The following CYB561 variants were observed in gnomAD, a reference collection of about 807,000 sequenced individuals.
CYB561 encodes cytochrome b561.
A neutral mutation model predicts 25.3 loss-of-function variants in CYB561; 11 were observed. The observed-to-expected ratio is 0.44, with a 90% CI of 0.27 to 0.72. The LOEUF (loss-of-function observed/expected upper bound fraction) is 0.72, where lower values mean the gene tolerates loss of function less well. Among genes scored for constraint, CYB561 ranks in the 30% least tolerant of loss-of-function variants. The pLI is 0.18. For synonymous variants in CYB561, 165 were observed against 158.8 expected, an observed-to-expected ratio of 1.04 and a Z score of -0.29; for missense variants, 295 against 334.9, an observed-to-expected ratio of 0.88 and a Z score of 0.93.
Position 63,436,166 on chromosome 17 carries a change from G to C in CYB561, c.203-14C>G. 1.2e-6 allele frequency: 2 copies of C among 1,613,236 alleles called. No homozygotes were observed. The highest frequency in any genetic ancestry group is 1.7e-6 in the Non-Finnish European group (2 of 1,179,344). On this transcript the variant is annotated splice_polypyrimidine_tract_variant and intron_variant, in intron 2 of 5. Transcript: ENST00000360793. The surrounding 1 kb of genome is among the most constrained non-coding windows in gnomAD (Gnocchi z 4.8). ...AAACCAGCAGGGCTGTGGGAGGTGAGAGAGGGAACGTGAGTGCATCCGCCT... is the reference window on the plus strand; with the variant it reads ...AAACCAGCAGGGCTGTGGGAGGTGACAGAGGGAACGTGAGTGCATCCGCCT...
chr17:63,435,118 C>T lies in CYB561; in HGVS notation c.531G>A (p.Leu177=), dbSNP rs150686949. The T allele has an allele frequency of 4.3e-5, 70 of 1,614,094 alleles. No homozygotes were observed. The Middle Eastern group carries it at 1.5e-3, about 34-fold the overall frequency. ...TGAACAGCAGTGCCTCCTTCAGGCC[C>T]AGCAGGGCGGTGCCCACGGAAAGGA... ...IFLLSVGTAL[L]GLKEALLFNL... is the part of the protein sequence containing the mutation. The change falls in exon 5 of 6, where the codon CTG becomes CTA. Residue 177 remains leucine, a synonymous_variant. Transcript: ENST00000360793.
In CYB561 at chr17:63,435,186, G is replaced by T; in HGVS notation, c.463C>A (p.Arg155Ser). The change falls in exon 5 of 6, where the codon CGC (arginine) becomes AGC (serine). Residue 155 changes from arginine (R) to serine (S), a missense_variant. By Grantham distance (110) the Arg-to-Ser change is moderately radical. Transcript: ENST00000360793. ...AAGAAGATGTGCTGTGGGCGGTAGC[G>T]GCTCCGCAGGGAGAATGAAGCTCCG... ...FPGASFSLRS[R>S]YRPQHIFFGA... is the part of the protein sequence containing the mutation. 6.2e-7 allele frequency: 1 copy of T among 1,614,164 alleles called. No individual in the cohort carries two copies. The highest frequency in any genetic ancestry group is 1.1e-5 in the South Asian group (1 of 91,092).
At chr17:63,435,843 G>A in intron 3 of CYB561, 52 bp from the exon 4 acceptor site, 1 of 1,596,764 alleles carries the variant, frequency 6.3e-7, no homozygotes, top group Non-Finnish European at 8.6e-7. Flanking sequence ...GAAAAGGAAG[G>A]TGTAAGATGA....
chr17:63,437,874 T>A, intron 1 of CYB561: 2 of 259,822 alleles, frequency 7.7e-6, no homozygotes, highest in East Asian at 9.9e-5. Flanking sequence ...CACCCCCAGA[T>A]GCGAGCAGCC....
chr17:63,440,189 T>G (rs2147498991), intron 1 of CYB561: 1 of 398,812 alleles, frequency 2.5e-6, no homozygotes, highest in East Asian at 3.6e-5. Flanking sequence ...TACTCATCTC[T>G]ACCTGGACAT....
chr17:63,439,467 A>G (rs1423163533), intron 1 of CYB561, among the ~76,000 whole-genome samples: 2 of 152,056 alleles, frequency 1.3e-5, no homozygotes, highest in Non-Finnish European at 2.9e-5. Flanking sequence ...CAGGAGGCAG[A>G]GTTTGCAGTG....
chr17:63,438,409 G>A, intron 1 of CYB561: 1 of 553,624 alleles, frequency 1.8e-6, no homozygotes, highest in Non-Finnish European at 3.2e-6. Flanking sequence ...GCGATGAGGA[G>A]GCCTCCCCAC....
At chr17:63,437,253 C>T in intron 2 of CYB561, 93 bp downstream of exon 2, 1 of 979,432 alleles carries the variant, frequency 1.0e-6, no homozygotes, top group South Asian at 1.5e-5. Context: ...TTTGTCCAAC[C>T]AGAAGAGACC....
chr17:63,445,602 G>A (rs1328091208), intron 1 of CYB561, among the ~76,000 whole-genome samples: 1 of 152,082 alleles, frequency 6.6e-6, no homozygotes, highest in Admixed American at 6.5e-5. Context: ...GAGGGAGGGA[G>A]GGAGGGTGGC....
chr17:63,437,003 TATG>T (rs1221864018), intron 2 of CYB561: 10 of 350,180 alleles, frequency 2.9e-5, no homozygotes, highest in Non-Finnish European at 4.2e-5. Flanking sequence ...AACTCTCACA[TATG>T]ATTACTTTTT....
chr17:63,433,289 C>T lies in CYB561; in HGVS notation c.*1113G>A. 1 of 397,824 alleles carries T rather than the reference C, an allele frequency of 2.5e-6. No individual in the cohort carries two copies. The highest frequency in any genetic ancestry group is 3.6e-5 in the East Asian group (1 of 28,056). The allele number at this position is 397,824 out of a possible 1,614,324, so 24.6% of individuals were successfully genotyped here. A position where few individuals can be genotyped will look rare whatever the true frequency, so the allele number is the denominator to read the frequency against. ...CCTGGCCTCGCACACGATCAGTGTT[C>T]TAATCACACTATTTCCAGGCCGAAG... On this transcript the variant is annotated 3_prime_UTR_variant, in exon 6 of 6. Coordinates refer to ENST00000360793, the MANE Select transcript of CYB561 (RefSeq NM_001915.4).
chr17:63,434,376 C>T lies in CYB561; in HGVS notation c.*26G>A, dbSNP rs1263993039. The T allele has an allele frequency of 7.9e-6, 12 of 1,518,062 alleles. No individual in the cohort carries two copies. The Admixed American group carries it at 1.6e-4, about 20-fold the overall frequency. 94.0% of individuals were successfully genotyped at this position (1,518,062 alleles called of 1,614,324 possible). On this transcript the variant is annotated 3_prime_UTR_variant, in exon 6 of 6. Transcript: ENST00000360793. Reference sequence around the variant, plus strand: ...CAGGGGCAGGCAAGAAGACACCCCGCGAACCCCCAGGGCCGGCCGGGCGCA... The same window carrying T: ...CAGGGGCAGGCAAGAAGACACCCCGTGAACCCCCAGGGCCGGCCGGGCGCA...
intron 1 of CYB561, chr17:63,437,922 A>C: frequency 4.0e-6 from 2 of 494,376 alleles, no homozygotes; most frequent in Non-Finnish European, 6.3e-6. Context: ...GGATGCGCAC[A>C]GCCCCTAGAG....
intron 1 of CYB561, among the ~76,000 whole-genome samples, chr17:63,442,515 C>T (rs568685246): frequency 3.3e-4 from 51 of 152,248 alleles, no homozygotes; most frequent in African/African-American, 5.3e-4. Flanking sequence ...CCTGGGACAC[C>T]GGCTGTTCTT....
At chr17:63,442,617 C>T (rs935795735) in intron 1 of CYB561, among the ~76,000 whole-genome samples, 1 of 152,162 alleles carries the variant, frequency 6.6e-6, no homozygotes, top group South Asian at 2.1e-4. Flanking sequence ...CACTGCCCTG[C>T]AGACCAGAAC....
At chr17:63,437,901 G>A in intron 1 of CYB561, 1 of 476,834 alleles carries the variant, frequency 2.1e-6, no homozygotes, top group Non-Finnish European at 3.4e-6. Flanking sequence ...AGATGCGCAT[G>A]TCCCCCCCAC....
chr17:63,437,970 G>GGGGCCCCCCCCCCC, intron 1 of CYB561: 1 of 643,050 alleles, frequency 1.6e-6, no homozygotes. Context: ...TCCCACGGCG[G>GGGGCCCCCCCCCCC]CCCCGCCACC....
intron 5 of CYB561, 110 bp downstream of exon 5, chr17:63,434,976 G>A: frequency 1.7e-6 from 2 of 1,191,532 alleles, no homozygotes; most frequent in Non-Finnish European, 1.2e-6. Flanking sequence ...GCCACCAGTT[G>A]TGACGCCACG....
In CYB561 at chr17:63,434,298, C is replaced by T. The variant is rs2147487418; in HGVS notation, c.*104G>A. On this transcript the variant is annotated 3_prime_UTR_variant, in exon 6 of 6. Transcript: ENST00000360793. ...AACAGATGCAGCTGCACCCACGCGC[C>T]CGCCTGCTGCCAGAGCCACTCTCCG... The T allele has an allele frequency of 9.2e-7, 1 of 1,090,916 alleles. No homozygotes were observed. Among genetic ancestry groups the T allele is most frequent in the Admixed American group, 2.8e-5 (1 of 35,616 alleles). 67.6% of individuals were successfully genotyped at this position (1,090,916 alleles called of 1,614,324 possible). A position where few individuals can be genotyped will look rare whatever the true frequency, so the allele number is the denominator to read the frequency against.
Sources: gnomAD v4.1 joint callset for allele counts (sites outside exome capture counted in the v4.1 genomes callset) on GRCh38, gnomAD v4.1.1 for gene constraint, Gnocchi (gnomAD v3.1) non-coding constraint, MANE v1.5 for transcripts, NCBI Gene and HGNC (gene_info 2026-07-23, HGNC 2026-07-21) for gene names.